PRKCH: variants seen among roughly 807,000 people sequenced by gnomAD.
PRKCH encodes protein kinase C eta type.
A neutral mutation model predicts 82.5 loss-of-function variants in PRKCH; 28 were observed. That is an observed-to-expected ratio of 0.34 (90% CI 0.25 to 0.47). The LOEUF (loss-of-function observed/expected upper bound fraction) is 0.47, where lower values mean the gene tolerates loss of function less well. Ranked by LOEUF, PRKCH falls within the 20% of genes least tolerant of loss-of-function variation. The probability of loss-of-function intolerance (pLI) is 1.00; values close to 1 mark genes in which losing one functional copy is unlikely to be tolerated. For synonymous variants in PRKCH, 322 were observed against 327.4 expected (o/e 0.98, Z 0.18); for missense variants, 705 against 881.8 (o/e 0.80, Z 2.54).
chr14:61,369,296 G>A (rs1218343718), intron 1 of PRKCH, among the ~76,000 whole-genome samples: 1 of 151,956 alleles, frequency 6.6e-6, no homozygotes, highest in East Asian at 1.9e-4. Context: ...AAGTTCCCAG[G>A]GGATACTTAT....
At chr14:61,193,932 C>T (rs1401226617) in intron 1 of PRKCH, among the ~76,000 whole-genome samples, 1 of 152,196 alleles carries the variant, frequency 6.6e-6, no homozygotes, top group African/African-American at 2.4e-5. Flanking sequence ...GCTGGCTTTT[C>T]CTGCTTTTCT....
chr14:61,281,587 C>T (rs1348427384), intron 1 of PRKCH: 1 of 168,474 alleles, frequency 5.9e-6, no homozygotes, highest in Admixed American at 6.5e-5. Flanking sequence ...CTTCCGCCTT[C>T]CAAGTGACTA....
intron 1 of PRKCH, among the ~76,000 whole-genome samples, chr14:61,284,731 C>T (rs2045299853): frequency 6.6e-6 from 1 of 152,054 alleles, no homozygotes; most frequent in Non-Finnish European, 1.5e-5. Flanking sequence ...CAAGTTCACT[C>T]TAAAATTGTT....
intron 10 of PRKCH, chr14:61,528,000 A>G (rs191629262): frequency 1.3e-5 from 2 of 151,770 alleles, no homozygotes; most frequent in East Asian, 3.9e-4. Flanking sequence ...GTTCTCTCTT[A>G]TGTTTCTCTC....
At chr14:61,290,672 T>A (rs1352083671) in intron 1 of PRKCH, among the ~76,000 whole-genome samples, 1 of 152,204 alleles carries the variant, frequency 6.6e-6, no homozygotes, top group African/African-American at 2.4e-5. Flanking sequence ...AGTTTGAAAC[T>A]GACCTAAAAG....
intron 1 of PRKCH, among the ~76,000 whole-genome samples, chr14:61,329,242 T>C (rs867569659): frequency 9.4e-6 from 1 of 106,444 alleles, no homozygotes; most frequent in South Asian, 3.5e-4. Flanking sequence ...GTCTTTTTTT[T>C]TTTTTTTTTT....
Position 61,321,960 on chromosome 14 carries a change from A to T in PRKCH, c.-142A>T. On this transcript the variant is annotated 5_prime_UTR_variant, in exon 1 of 14. Transcript: ENST00000332981. The surrounding 1 kb of genome is among the most constrained non-coding windows in gnomAD (Gnocchi z 4.1). ...GTCCCACGGAGGAGGCAGAATGGCC[A>T]GTCGAGGGGCGCTTAGGCGCTGCCT... 1 of 846,932 alleles carries T rather than the reference A, an allele frequency of 1.2e-6. No individual in the cohort carries two copies. 52.5% of individuals were successfully genotyped at this position (846,932 alleles called of 1,614,324 possible). A position where few individuals can be genotyped will look rare whatever the true frequency, so the allele number is the denominator to read the frequency against.
intron 2 of PRKCH, among the ~76,000 whole-genome samples, chr14:61,402,764 A>C (rs11626354): frequency 0.53 from 80,580 of 151,562 alleles, 23,565 homozygotes; most frequent in Non-Finnish European, 0.65. Context: ...GTGCCACTGC[A>C]CTCCAGCCTG....
At chr14:61,350,412 T>C (rs563313469) in intron 1 of PRKCH, among the ~76,000 whole-genome samples, 5 of 152,328 alleles carry the variant, frequency 3.3e-5, no homozygotes, top group Non-Finnish European at 5.9e-5. Flanking sequence ...TATTTAGATC[T>C]ATGGGCTTTT....
At chr14:61,541,457 C>T (rs141002262) in intron 12 of PRKCH, among the ~76,000 whole-genome samples, 12 of 152,334 alleles carry the variant, frequency 7.9e-5, no homozygotes, top group African/African-American at 2.2e-4. Flanking sequence ...TTAGGATCAT[C>T]GCTCTGGAAT....
Position 61,280,172 on chromosome 14 carries a change from A to G in PRKCH, c.-19+92504A>G, listed in dbSNP as rs770550293. ...ACAAAGCCGGTGAGGATGCAGAGGG[A>G]GCCGACGACCAGGTAGGCGATGCCC... On this transcript the variant is annotated intron_variant, in intron 1 of 3. Coordinates refer to the PRKCH transcript ENST00000555185. This position sits in a 1 kb window ranked among gnomAD's most constrained non-coding sequence, Gnocchi z 5.0. The G allele has an allele frequency of 6.2e-7, 1 of 1,614,110 alleles. No individual in the cohort carries two copies. The highest frequency in any genetic ancestry group is 1.1e-5 in the South Asian group (1 of 91,078).
chr14:61,386,673 T>G (rs937211385), intron 1 of PRKCH, among the ~76,000 whole-genome samples: 1 of 152,162 alleles, frequency 6.6e-6, no homozygotes, highest in African/African-American at 2.4e-5. Flanking sequence ...AGAGATCAAC[T>G]GAGATGAAGA....
rs138869410 is a variant in PRKCH, at chr14:61,531,084, A to G, written c.1761+489A>G. 4.9e-4 allele frequency among the ~76,000 whole-genome samples: 74 copies of G among 152,326 alleles called. No individual in the cohort carries two copies. In the East Asian group the frequency reaches 0.012, roughly 25 times the overall value. On this transcript the variant is annotated intron_variant, in intron 12 of 13. Transcript: ENST00000332981. Reference sequence around the variant, plus strand: ...ACCTCTGCAGATCTATTTTGCCTCCATGTTATTCTTATGAAAGCCGGGTGC... The same window carrying G: ...ACCTCTGCAGATCTATTTTGCCTCCGTGTTATTCTTATGAAAGCCGGGTGC...
intron 9 of PRKCH, among the ~76,000 whole-genome samples, chr14:61,458,398 G>A (rs1370807507): frequency 1.3e-5 from 2 of 152,212 alleles, no homozygotes; most frequent in Admixed American, 6.5e-5. Flanking sequence ...GTTGCTCAGT[G>A]ACATTGGACA....
intron 12 of PRKCH, among the ~76,000 whole-genome samples, chr14:61,538,357 G>C (rs2043140259): frequency 6.6e-6 from 1 of 152,192 alleles, no homozygotes; most frequent in Non-Finnish European, 1.5e-5. Flanking sequence ...GGAACCGTTT[G>C]CTCACAGATC....
intron 1 of PRKCH, among the ~76,000 whole-genome samples, chr14:61,365,043 T>G (rs576734026): frequency 3.3e-5 from 5 of 152,080 alleles, no homozygotes; most frequent in African/African-American, 1.2e-4. Flanking sequence ...CTGAGAGAAG[T>G]GGCCTGGAAG....
chr14:61,505,373 GTCTTT>G (rs1171315407), intron 10 of PRKCH, among the ~76,000 whole-genome samples: 2,944 of 103,620 alleles, frequency 0.028, 95 homozygotes, highest in South Asian at 0.042. Context: ...TCTAGGATTT[GTCTTT>G]TCTTTTCTTT....
rs555243016 is a variant in PRKCH, at chr14:61,499,158, A to G, written c.1433+13502A>G. On this transcript the variant is annotated intron_variant, in intron 10 of 13. Transcript: ENST00000332981. ...CTAGATCCCAGTACTTAAGCCTGGC[A>G]GGAAAAAAAGCTGAGTACACTGTGG... Among the ~76,000 whole-genome samples the G allele has an allele frequency of 3.3e-5, 5 of 152,320 alleles. No homozygotes were observed. The East Asian group carries it at 9.6e-4, about 29-fold the overall frequency.
intron 10 of PRKCH, among the ~76,000 whole-genome samples, chr14:61,507,175 G>C (rs1887185596): frequency 6.6e-6 from 1 of 152,140 alleles, no homozygotes. Flanking sequence ...ATGGCCAGTA[G>C]GTTTATGAAA....
Sources: allele counts gnomAD v4.1 joint callset (sites outside exome capture counted in the v4.1 genomes callset), GRCh38; gene constraint gnomAD v4.1.1; non-coding constraint Gnocchi (gnomAD v3.1); transcripts MANE v1.5; gene names NCBI Gene and HGNC (gene_info 2026-07-23, HGNC 2026-07-21).